The following CFAP46 variants were observed in gnomAD, a reference collection of about 807,000 sequenced individuals.
CFAP46 encodes the protein cilia- and flagella-associated protein 46.
CFAP46 carries 245 observed loss-of-function variants against 325.7 expected under a neutral mutation model. That is an observed-to-expected ratio of 0.75 (90% confidence interval 0.68 to 0.84). CFAP46 has a LOEUF of 0.84. Among genes scored for constraint, CFAP46 ranks in the 40% least tolerant of loss-of-function variants. The pLI is 0.00. For synonymous variants in CFAP46, 1,523 were observed against 1,495.9 expected (o/e 1.02, Z -0.42); for missense variants, 3,346 against 3,543.0 (o/e 0.94, Z 1.41).
At position 132,934,805 on chromosome 10, in the gene CFAP46, G is replaced by A; in HGVS notation, c.813C>T (p.Tyr271=). The A allele has an allele frequency of 6.2e-7, 1 of 1,613,224 alleles. No individual in the cohort carries two copies. The highest frequency in any genetic ancestry group is 8.5e-7 in the Non-Finnish European group (1 of 1,179,300). Residue 271 remains tyrosine (Y), a synonymous_variant, in exon 8 of 58, where the codon TAC becomes TAT. Coordinates refer to ENST00000368586, the MANE Select transcript of CFAP46 (RefSeq NM_001200049.3). ...GDISVILRKA[Y]RHLGHYNHQR... is the part of the protein sequence containing the mutation. ...GGTGGTTGTAATGACCTAAGTGTCT[G>A]TAGGCCTTCCTCAGAATGACACTGA...
At position 132,835,305 on chromosome 10, in the gene CFAP46, G is replaced by A. The variant is rs758243418; in HGVS notation, c.6743C>T (p.Ser2248Leu). The part of the protein sequence containing the change: ...YSEDMALNIG[S>L]EPEGLQVEEK... ...GGCTTGGAGCCTGGAGGGCCTCACC[G>A]AGCCTATGTTCAGGGCCATGTCCTC... Residue 2248 changes from serine (S) to leucine (L), a missense_variant and splice_region_variant, in exon 47 of 58, where the codon TCG (serine) becomes TTG (leucine). Transcript: ENST00000368586. 13 of 1,612,626 alleles carry A rather than the reference G, an allele frequency of 8.1e-6. No homozygotes were observed. The highest frequency in any genetic ancestry group is 1.7e-5 in the Admixed American group (1 of 60,004).
intron 19 of CFAP46, 126 bp downstream of exon 19, chr10:132,912,529 C>G: frequency 1.4e-6 from 1 of 736,994 alleles, no homozygotes; most frequent in Non-Finnish European, 2.0e-6. Flanking sequence ...CTCTCTTCAC[C>G]TCTCTCCTCT....
rs1204533228 is a variant in CFAP46 at position 132,918,525 on chromosome 10, G to A, written c.1859-5C>T. On this transcript the variant is annotated splice_region_variant and splice_polypyrimidine_tract_variant and intron_variant, in intron 15 of 57. Transcript: ENST00000368586. ...CCCTACCTCGCTTCTTCTTCCCTGA[G>A]AGAAATGGCAGCAGGTAAGGATCAT... is the stretch of plus-strand genomic sequence containing the variant. The A allele has an allele frequency of 2.0e-5, 30 of 1,511,446 alleles. No homozygotes were observed. Among genetic ancestry groups the A allele is most frequent in the Non-Finnish European group, 2.3e-5 (26 of 1,122,376 alleles). 93.6% of individuals were successfully genotyped at this position (1,511,446 alleles called of 1,614,324 possible). A position where few individuals can be genotyped will look rare whatever the true frequency, so the allele number is the denominator to read the frequency against.
At position 132,924,629 on chromosome 10, in the gene CFAP46, C is replaced by T. The variant is rs140844351; in HGVS notation, c.1256+67G>A. The T allele has an allele frequency of 8.0e-3, 10,889 of 1,365,962 alleles. 61 individuals carry two copies. The highest frequency in any genetic ancestry group is 0.015 in the Middle Eastern group (55 of 3,732). 84.6% of individuals were successfully genotyped at this position (1,365,962 alleles called of 1,614,324 possible). The stretch of plus-strand genomic sequence containing the variant: ...ATGGCAAGGGGGCTTGGGCCACCTT[C>T]TCCTCCTCTGTCTCCTCCTATGCGC... On this transcript the variant is annotated intron_variant, in intron 11 of 57. Transcript: ENST00000368586.
At chr10:132,831,980 T>C (rs1848154226) in intron 50 of CFAP46, among the ~76,000 whole-genome samples, 1 of 152,220 alleles carries the variant, frequency 6.6e-6, no homozygotes, top group Non-Finnish European at 1.5e-5. Context: ...CTCCAAGTAA[T>C]ATTATACCAC....
intron 50 of CFAP46, 103 bp from the exon 51 acceptor site, chr10:132,815,017 G>T: frequency 7.6e-6 from 7 of 916,170 alleles, no homozygotes; most frequent in Non-Finnish European, 1.2e-5. Context: ...TCACTTAAAT[G>T]AAAAAAAAAA....
chr10:132,912,291 T>TC (rs201943896), intron 19 of CFAP46, among the ~76,000 whole-genome samples: 5 of 61,818 alleles, frequency 8.1e-5, no homozygotes, highest in Non-Finnish European at 3.1e-5. Flanking sequence ...TCTCCTCCTC[T>TC]CTCTCTCCTC....
At position 132,914,100 on chromosome 10, in the gene CFAP46, G is replaced by T. The variant is rs1445693098; in HGVS notation, c.2121-842C>A. ...CCAGCCACACTGCACCCCGGCCCGA[G>T]GCTGTGTCCAGCCACACTGCACCCC... On this transcript the variant is annotated intron_variant, in intron 17 of 57. Transcript: ENST00000368586. 4.4e-5 allele frequency among the ~76,000 whole-genome samples: 4 copies of T among 90,764 alleles called. 1 individual carries two copies. Among genetic ancestry groups the T allele is most frequent in the African/African-American group, 1.5e-4 (3 of 20,178 alleles). 59.5% of individuals were successfully genotyped at this position (90,764 alleles called of 152,430 possible).
At chr10:132,883,325 A>G (rs1849074666) in intron 27 of CFAP46, among the ~76,000 whole-genome samples, 1 of 152,246 alleles carries the variant, frequency 6.6e-6, no homozygotes, top group Non-Finnish European at 1.5e-5. Flanking sequence ...AAGGACTGCA[A>G]TGAACACTTC....
intron 44 of CFAP46, among the ~76,000 whole-genome samples, chr10:132,838,260 T>C (rs1848298954): frequency 6.6e-6 from 1 of 152,280 alleles, no homozygotes; most frequent in Non-Finnish European, 1.5e-5. Context: ...CCTCTCCGCA[T>C]GGGCAGCCCT....
intron 13 of CFAP46, among the ~76,000 whole-genome samples, 198 bp downstream of exon 13, chr10:132,921,906 C>T (rs1849728086): frequency 6.6e-6 from 1 of 152,256 alleles, no homozygotes; most frequent in South Asian, 2.1e-4. Context: ...CCCGACTTGA[C>T]TGGCGTGTGC....
chr10:132,928,979 C>T (rs374779543), intron 9 of CFAP46, among the ~76,000 whole-genome samples: 11 of 152,130 alleles, frequency 7.2e-5, no homozygotes, highest in South Asian at 4.1e-4. Flanking sequence ...AAATCCTAAA[C>T]GCAGAAAAAT....
chr10:132,846,422 C>A (rs1056723176), intron 43 of CFAP46, among the ~76,000 whole-genome samples, 195 bp from the exon 44 acceptor site: 3 of 152,208 alleles, frequency 2.0e-5, no homozygotes, highest in Non-Finnish European at 4.4e-5. Flanking sequence ...CTCTGTGGGA[C>A]CTCTGTGAGG....
In CFAP46 at chr10:132,817,355, G is replaced by A. The variant is rs1345710387; in HGVS notation, c.7118-2441C>T. Among the ~76,000 whole-genome samples the A allele has an allele frequency of 4.6e-5, 7 of 152,188 alleles. No homozygotes were observed. Among genetic ancestry groups the A allele is most frequent in the African/African-American group, 7.2e-5 (3 of 41,436 alleles). ...CACGTGGGGGTCATTTGTGACGGGCGTGCTTCCTGCAAAGGGCATGCGGCT... is the reference window on the plus strand; with the variant it reads ...CACGTGGGGGTCATTTGTGACGGGCATGCTTCCTGCAAAGGGCATGCGGCT... On this transcript the variant is annotated intron_variant, in intron 50 of 57. Coordinates refer to ENST00000368586, the MANE Select transcript of CFAP46 (RefSeq NM_001200049.3). This position sits in a 1 kb window ranked among gnomAD's most constrained non-coding sequence, Gnocchi z 4.4.
At chr10:132,873,542 T>C (rs1848923222) in intron 31 of CFAP46, among the ~76,000 whole-genome samples, 1 of 152,064 alleles carries the variant, frequency 6.6e-6, no homozygotes, top group Middle Eastern at 3.2e-3. Flanking sequence ...GGCCCCATGG[T>C]GCTCCGCATC....
Position 132,889,469 on chromosome 10 carries a change from C to A in CFAP46, c.3304+2864G>T, listed in dbSNP as rs1849224903. On this transcript the variant is annotated intron_variant, in intron 25 of 57. Transcript: ENST00000368586. This position sits in a 1 kb window ranked among gnomAD's most constrained non-coding sequence, Gnocchi z 6.0. ...GGCACTGGCCAGAGAAGCGGGTCTG[C>A]GTCTGAAACTTGGGAACCCTGAGCC... 6.6e-6 allele frequency among the ~76,000 whole-genome samples: 1 copy of A among 152,182 alleles called. No homozygotes were observed. The highest frequency in any genetic ancestry group is 2.4e-5 in the African/African-American group (1 of 41,448).
intron 24 of CFAP46, among the ~76,000 whole-genome samples, chr10:132,898,172 G>T (rs370540864): frequency 1.3e-5 from 2 of 152,184 alleles, no homozygotes; most frequent in African/African-American, 4.8e-5. Context: ...ACCCCAACCC[G>T]AGAGTCTCAG....
intron 36 of CFAP46, 89 bp downstream of exon 36, chr10:132,860,693 G>A: frequency 7.1e-7 from 1 of 1,409,330 alleles, no homozygotes; most frequent in Non-Finnish European, 9.7e-7. Flanking sequence ...TCAGCGGTCT[G>A]CCAGGCAGAG....
At chr10:132,940,019 C>T (rs1850072135) in intron 4 of CFAP46, among the ~76,000 whole-genome samples, 2 of 152,198 alleles carry the variant, frequency 1.3e-5, no homozygotes, top group Admixed American at 6.5e-5. Context: ...AGCAGAGCAG[C>T]CTCCTTCCCA....
Sources: allele counts gnomAD v4.1 joint callset (sites outside exome capture counted in the v4.1 genomes callset), GRCh38; gene constraint gnomAD v4.1.1; non-coding constraint Gnocchi (gnomAD v3.1); transcripts MANE v1.5; gene names NCBI Gene and HGNC (gene_info 2026-07-23, HGNC 2026-07-21).